Variants in NRG3 observed in about 807,000 individuals in gnomAD.
NRG3 encodes the protein pro-neuregulin-3, membrane-bound isoform.
Under a neutral mutation model 66.9 loss-of-function variants are expected in NRG3, and 31 were observed. The observed-to-expected ratio is 0.46, with a 90% confidence interval of 0.35 to 0.63. The LOEUF (loss-of-function observed/expected upper bound fraction) is 0.63. NRG3 is among the 20% of genes least tolerant of loss of function. NRG3 has a pLI of 0.00. For missense variants in NRG3, 910 were observed against 878.9 expected, an observed-to-expected ratio of 1.04 and a Z score of -0.45; for synonymous variants, 393 against 359.4, an observed-to-expected ratio of 1.09 and a Z score of -1.06.
At chr10:82,519,253 T>A (rs1266202203) in intron 2 of NRG3, among the ~76,000 whole-genome samples, 1 of 152,190 alleles carries the variant, frequency 6.6e-6, no homozygotes, top group Non-Finnish European at 1.5e-5. Context: ...TCATGGTCAC[T>A]TTTGGTTCTA....
At chr10:82,647,359 A>G (rs1355718012) in intron 2 of NRG3, among the ~76,000 whole-genome samples, 1 of 152,174 alleles carries the variant, frequency 6.6e-6, no homozygotes, top group East Asian at 1.9e-4. Flanking sequence ...GCTGCATAGT[A>G]TTCCATGGTG....
chr10:82,894,964 A>C (rs775574115), intron 4 of NRG3, among the ~76,000 whole-genome samples: 3 of 151,262 alleles, frequency 2.0e-5, no homozygotes, highest in African/African-American at 4.9e-5. Flanking sequence ...TCTTTGTTCA[A>C]CTCCCACTTA....
chr10:82,984,112 T>C (rs1037436074), intron 8 of NRG3, among the ~76,000 whole-genome samples: 2 of 152,222 alleles, frequency 1.3e-5, no homozygotes, highest in South Asian at 4.1e-4. Context: ...TTTGAATGTT[T>C]ACTGTTTAAA....
chr10:82,482,004 A>G (rs1842312795), intron 2 of NRG3, among the ~76,000 whole-genome samples: 2 of 152,152 alleles, frequency 1.3e-5, no homozygotes, highest in Admixed American at 1.3e-4. Flanking sequence ...AAAAATTACA[A>G]TTCTGTAGTA....
chr10:81,894,778 A>G (rs1025453756), intron 1 of NRG3, among the ~76,000 whole-genome samples: 16 of 151,928 alleles, frequency 1.1e-4, no homozygotes, highest in Non-Finnish European at 2.2e-4. Context: ...GTGTGGGAGG[A>G]GCTGGAGAAG....
chr10:82,853,414 C>A (rs965635490), intron 3 of NRG3, among the ~76,000 whole-genome samples: 2 of 152,076 alleles, frequency 1.3e-5, no homozygotes, highest in African/African-American at 4.8e-5. Flanking sequence ...TTGATTCTAC[C>A]CATCCATGAG....
chr10:82,030,244 A>G (rs1333362896), intron 1 of NRG3, among the ~76,000 whole-genome samples: 1 of 152,244 alleles, frequency 6.6e-6, no homozygotes, highest in East Asian at 1.9e-4. Context: ...TGAGATATGA[A>G]TAAGGCTGTT....
chr10:82,898,015 T>A (rs1045388785), intron 4 of NRG3, among the ~76,000 whole-genome samples: 1 of 152,150 alleles, frequency 6.6e-6, no homozygotes, highest in Admixed American at 6.5e-5. Context: ...TAGGGACCCT[T>A]CCAACTTCAG....
chr10:82,823,202 G>C (rs1455774126), intron 3 of NRG3, among the ~76,000 whole-genome samples: 1 of 152,194 alleles, frequency 6.6e-6, no homozygotes, highest in Non-Finnish European at 1.5e-5. Flanking sequence ...GAGAGGGCAA[G>C]TACGAATGGT....
chr10:82,303,736 C>T (rs1372028794), intron 1 of NRG3, among the ~76,000 whole-genome samples: 3 of 151,674 alleles, frequency 2.0e-5, no homozygotes, highest in South Asian at 2.1e-4. Flanking sequence ...GGCGTGGTGG[C>T]GAGGGCCTGT....
intron 1 of NRG3, among the ~76,000 whole-genome samples, chr10:82,354,606 G>C (rs1437248125): frequency 6.6e-6 from 1 of 152,036 alleles, no homozygotes; most frequent in Non-Finnish European, 1.5e-5. Flanking sequence ...TGGCCAGGCT[G>C]GTCTCCAACT....
chr10:82,334,262 C>A (rs2135311206), intron 1 of NRG3, among the ~76,000 whole-genome samples: 1 of 152,196 alleles, frequency 6.6e-6, no homozygotes, highest in South Asian at 2.1e-4. Context: ...TGGACATTCT[C>A]AATGGACATT....
At chr10:82,828,774 A>T (rs886617334) in intron 3 of NRG3, among the ~76,000 whole-genome samples, 1 of 152,224 alleles carries the variant, frequency 6.6e-6, no homozygotes, top group Non-Finnish European at 1.5e-5. Context: ...GAAAAGAAAG[A>T]TGCAAAATCT....
intron 2 of NRG3, among the ~76,000 whole-genome samples, chr10:82,440,572 A>G (rs1259367181): frequency 6.6e-6 from 1 of 151,966 alleles, no homozygotes; most frequent in Non-Finnish European, 1.5e-5. Flanking sequence ...AGATGTGGCT[A>G]ATATCTTATC....
intron 1 of NRG3, among the ~76,000 whole-genome samples, chr10:81,900,802 T>C (rs573339516): frequency 6.6e-6 from 1 of 152,342 alleles, no homozygotes; most frequent in African/African-American, 2.4e-5. Context: ...TTCAGGGCAT[T>C]TGTTATTATT....
chr10:82,904,029 G>C (rs1844483790), intron 4 of NRG3, among the ~76,000 whole-genome samples: 1 of 152,044 alleles, frequency 6.6e-6, no homozygotes, highest in African/African-American at 2.4e-5. Context: ...TTATCAGCTT[G>C]TATTTTAACA....
chr10:82,186,880 G>A (rs553329048), intron 1 of NRG3, among the ~76,000 whole-genome samples: 3 of 152,154 alleles, frequency 2.0e-5, no homozygotes, highest in Non-Finnish European at 2.9e-5. Context: ...ACATGGTACT[G>A]CCAGCTGTAA....
intron 2 of NRG3, among the ~76,000 whole-genome samples, chr10:82,597,419 A>ATTAGC (rs1180739229): frequency 6.6e-6 from 1 of 152,198 alleles, no homozygotes; most frequent in African/African-American, 2.4e-5. Flanking sequence ...GAGAATGCAG[A>ATTAGC]TTAGCTTTTT....
chr10:82,486,089 A>G (rs1482839976), intron 2 of NRG3, among the ~76,000 whole-genome samples: 1 of 152,228 alleles, frequency 6.6e-6, no homozygotes, highest in Non-Finnish European at 1.5e-5. Flanking sequence ...AGTCAAAACC[A>G]AAATGAAATA....
Sources: gnomAD v4.1 joint callset for allele counts (sites outside exome capture counted in the v4.1 genomes callset) on GRCh38, gnomAD v4.1.1 for gene constraint, MANE v1.5 for transcripts, NCBI Gene and HGNC (gene_info 2026-07-23, HGNC 2026-07-21) for gene names.